Variants in SYTL2 observed in about 807,000 individuals in gnomAD.
The protein encoded by SYTL2 is synaptotagmin like 2.
SYTL2 carries 165 observed loss-of-function variants against 198.7 expected under a neutral mutation model. The ratio of observed to expected loss-of-function variants is 0.83; its 90% CI spans 0.73 to 0.94. SYTL2 has a LOEUF of 0.94. Among genes scored for constraint, SYTL2 ranks in the 40% least tolerant of loss-of-function variants. The pLI, the probability that SYTL2 is intolerant of heterozygous loss-of-function variation, is 0.00. For missense variants in SYTL2, 2,835 were observed against 2,582.8 expected (o/e 1.10, Z -2.12); for synonymous variants, 966 against 917.7 (o/e 1.05, Z -0.95).
intron 6 of SYTL2, among the ~76,000 whole-genome samples, chr11:85,735,385 C>T (rs946827494): frequency 9.9e-5 from 15 of 152,096 alleles, no homozygotes; most frequent in African/African-American, 3.6e-4. Flanking sequence ...CTTAAATTCA[C>T]CTGCAGAAAT....
intron 2 of SYTL2, among the ~76,000 whole-genome samples, chr11:85,750,069 T>G (rs760425782): frequency 3.9e-4 from 59 of 152,138 alleles, no homozygotes; most frequent in Non-Finnish European, 7.2e-4. Flanking sequence ...AATTCTCCAG[T>G]GCTCTTCTGT....
At chr11:85,729,036 C>G (rs1022282837) in intron 7 of SYTL2, among the ~76,000 whole-genome samples, 1 of 152,180 alleles carries the variant, frequency 6.6e-6, no homozygotes, top group Admixed American at 6.5e-5. Context: ...ACAAGAAGAG[C>G]TAGCTATCCT....
chr11:85,830,029 C>T, the SYTL2 span, among the ~76,000 whole-genome samples: 1 of 152,222 alleles, frequency 6.6e-6, no homozygotes, highest in South Asian at 2.1e-4. Flanking sequence ...AAACAGTTCT[C>T]TTTATACACA....
chr11:85,731,882 A>G (rs1271182658), intron 7 of SYTL2, among the ~76,000 whole-genome samples: 1 of 152,164 alleles, frequency 6.6e-6, no homozygotes, highest in Non-Finnish European at 1.5e-5. Context: ...TAAATTTACA[A>G]GAAAATTTAC....
intron 12 of SYTL2, 93 bp from the exon 13 acceptor site, chr11:85,711,325 C>T: frequency 7.2e-7 from 1 of 1,384,508 alleles, no homozygotes; most frequent in Non-Finnish European, 9.9e-7. Flanking sequence ...TTTGGTATTC[C>T]ACTGACATTT....
rs1159621756 is a variant in SYTL2, at chr11:85,714,438, G to C, written c.5600C>G (p.Ser1867Cys). ...HPDKLKRMSKSVPAFLQDESD... is the reference protein window; with the variant it reads ...HPDKLKRMSKCVPAFLQDESD... Reference sequence around the variant, plus strand: ...CTCATCTTGGAGAAATGCTGGAACAGACTTGCTCATCCTTTTGAGTTTGTC... The same window carrying C: ...CTCATCTTGGAGAAATGCTGGAACACACTTGCTCATCCTTTTGAGTTTGTC... The change falls in exon 12 of 20, where the codon TCT becomes TGT. Residue 1867 changes from serine (S) to cysteine (C), a missense_variant. Around this residue, in one of 3 missense-constraint regions of SYTL2, gnomAD observed 2,645 missense variants for 2,381.7 expected, o/e 1.11. Coordinates refer to ENST00000359152, the MANE Select transcript of SYTL2 (RefSeq NM_206927.4). The C allele has an allele frequency of 6.2e-7, 1 of 1,613,634 alleles. No homozygotes were observed. The highest frequency in any genetic ancestry group is 1.7e-5 in the Admixed American group (1 of 60,022).
At chr11:85,799,870 C>T (rs1327432369) in intron 1 of SYTL2, among the ~76,000 whole-genome samples, 3 of 152,204 alleles carry the variant, frequency 2.0e-5, no homozygotes, top group Non-Finnish European at 2.9e-5. Context: ...ACATAGAAAA[C>T]ACTCAGTGAG....
intron 9 of SYTL2, among the ~76,000 whole-genome samples, chr11:85,719,829 C>CT (rs1371954334): frequency 6.6e-6 from 1 of 152,002 alleles, no homozygotes; most frequent in Non-Finnish European, 1.5e-5. Context: ...TTTTTCTTTT[C>CT]TTTTTTTCAT....
At chr11:85,760,769 A>G (rs891972407) in intron 1 of SYTL2, among the ~76,000 whole-genome samples, 5 of 122,618 alleles carry the variant, frequency 4.1e-5, no homozygotes, top group Non-Finnish European at 8.3e-5. Flanking sequence ...CAACCTAACA[A>G]GTGCTTCTGT....
chr11:85,833,353 GAT>G, the SYTL2 span, among the ~76,000 whole-genome samples: 101 of 143,112 alleles, frequency 7.1e-4, 1 homozygote, highest in Middle Eastern at 7.8e-3. Flanking sequence ...ATATATACAC[GAT>G]ATATATATGA....
chr11:85,836,458 G>A, the SYTL2 span, among the ~76,000 whole-genome samples: 137 of 151,758 alleles, frequency 9.0e-4, no homozygotes, highest in African/African-American at 3.2e-3. Flanking sequence ...ATGTATATAC[G>A]TATGGCACTA....
chr11:85,842,933 T>C, the SYTL2 span, among the ~76,000 whole-genome samples: 2,078 of 152,262 alleles, frequency 0.014, 21 homozygotes, highest in African/African-American at 0.029. Context: ...GCTCAACAAA[T>C]ATCATCCAAA....
chr11:85,724,379 T>C lies in SYTL2; in HGVS notation c.4979A>G (p.Glu1660Gly), dbSNP rs1044591913. The change falls in exon 8 of 20, where the codon GAG becomes GGG. Residue 1660 changes from glutamate (E) to glycine (G), a missense_variant. By Grantham distance (98) the Glu-to-Gly change is moderately conservative. Coordinates refer to ENST00000359152, the MANE Select transcript of SYTL2 (RefSeq NM_206927.4). ...VDFCGSRSGVEIPRTPQLYVA... is the reference protein window; with the variant it reads ...VDFCGSRSGVGIPRTPQLYVA... Reference sequence around the variant, plus strand: ...ATAAAGTTGTGGGGTTCTAGGGATCTCAACTCCACTTCTGGAACCACAAAA... The same window carrying C: ...ATAAAGTTGTGGGGTTCTAGGGATCCCAACTCCACTTCTGGAACCACAAAA... The C allele has an allele frequency of 2.5e-6, 4 of 1,592,430 alleles. No individual in the cohort carries two copies. The African/African-American group carries it at 4.0e-5, about 16-fold the overall frequency.
rs143469724 is a variant in SYTL2 at position 85,707,025 on chromosome 11, A to G, written c.6018+404T>C. Among the ~76,000 whole-genome samples the G allele has an allele frequency of 8.9e-3, 1,358 of 152,236 alleles. 65 individuals are homozygous for G. Among genetic ancestry groups the G allele is most frequent in the Non-Finnish European group, 1.7e-3 (113 of 68,008 alleles). On this transcript the variant is annotated intron_variant, in intron 15 of 19. Coordinates refer to ENST00000359152, the MANE Select transcript of SYTL2 (RefSeq NM_206927.4). ...TGGCTCATTTTTGTATTTTTAGTAC[A>G]GACAGGGTTTCACCATGTTGGCCAG...
the SYTL2 span, among the ~76,000 whole-genome samples, chr11:85,824,182 T>C: frequency 6.6e-6 from 1 of 152,124 alleles, no homozygotes; most frequent in Admixed American, 6.5e-5. Flanking sequence ...GAGTAGTATA[T>C]GCTGGGGCCT....
intron 16 of SYTL2, among the ~76,000 whole-genome samples, chr11:85,702,050 G>A (rs1225165023): frequency 6.6e-6 from 1 of 152,108 alleles, no homozygotes; most frequent in Non-Finnish European, 1.5e-5. Flanking sequence ...TGTCAAGAAG[G>A]AATGGCACTG....
At chr11:85,701,605 A>C (rs2084308183) in intron 16 of SYTL2, among the ~76,000 whole-genome samples, 1 of 152,208 alleles carries the variant, frequency 6.6e-6, no homozygotes, top group Non-Finnish European at 1.5e-5. Flanking sequence ...TCTTCTGAGG[A>C]GTTCAGGTCT....
intron 1 of SYTL2, among the ~76,000 whole-genome samples, chr11:85,791,190 A>AAAAAAAAAAAAAAAAT (rs2092725755): frequency 6.6e-6 from 1 of 150,956 alleles, no homozygotes; most frequent in Admixed American, 6.6e-5. Flanking sequence ...AAAAAAAAAA[A>AAAAAAAAAAAAAAAAT]AAAAACAACC....
chr11:85,741,635 G>T (rs182071564), intron 4 of SYTL2, among the ~76,000 whole-genome samples: 1 of 152,232 alleles, frequency 6.6e-6, no homozygotes, highest in East Asian at 1.9e-4. Flanking sequence ...CATTATCTCA[G>T]ATTGGCTCAT....
Sources: gnomAD v4.1 joint callset for allele counts (sites outside exome capture counted in the v4.1 genomes callset) on GRCh38, gnomAD v4.1.1 for gene constraint, gnomAD v4.1.1 regional missense constraint, MANE v1.5 for transcripts, NCBI Gene and HGNC (gene_info 2026-07-23, HGNC 2026-07-21) for gene names.